The following CDH13 variants were observed in gnomAD, a reference collection of about 807,000 sequenced individuals.
CDH13 encodes cadherin 13.
Under a neutral mutation model 63.8 loss-of-function variants are expected in CDH13, and 24 were observed. The ratio of observed to expected loss-of-function variants is 0.38; its 90% CI spans 0.27 to 0.53. CDH13 has a LOEUF of 0.53. Among genes scored for constraint, CDH13 ranks in the 20% least tolerant of loss-of-function variants. CDH13 has a pLI of 0.85. For missense variants in CDH13, 1,049 were observed against 903.1 expected (o/e 1.16, Z -2.07); for synonymous variants, 503 against 355.3 (o/e 1.42, Z -4.67).
At chr16:82,653,691 G>A (rs762869675) in intron 1 of CDH13, among the ~76,000 whole-genome samples, 9 of 152,294 alleles carry the variant, frequency 5.9e-5, no homozygotes, top group African/African-American at 2.2e-4. Context: ...TGCATGTCAT[G>A]TTGAGAAACT....
intron 6 of CDH13, among the ~76,000 whole-genome samples, chr16:83,345,873 T>C (rs1412663061): frequency 1.3e-5 from 2 of 152,178 alleles, no homozygotes; most frequent in East Asian, 3.9e-4. Flanking sequence ...GGTAAAATAG[T>C]GATTCGTCAG....
chr16:83,582,067 T>G (rs1905661742), intron 7 of CDH13, among the ~76,000 whole-genome samples: 1 of 152,158 alleles, frequency 6.6e-6, no homozygotes, highest in Non-Finnish European at 1.5e-5. Context: ...GACCCCTCTC[T>G]GAGCCTTGAG....
At chr16:83,084,468 C>T (rs983376066) in intron 3 of CDH13, among the ~76,000 whole-genome samples, 1 of 152,194 alleles carries the variant, frequency 6.6e-6, no homozygotes, top group African/African-American at 2.4e-5. Context: ...CATCACCTGT[C>T]TCTCGAAAAC....
intron 1 of CDH13, among the ~76,000 whole-genome samples, chr16:82,856,524 A>T (rs1404138724): frequency 6.6e-6 from 1 of 151,532 alleles, no homozygotes; most frequent in Non-Finnish European, 1.5e-5. Flanking sequence ...CAACATAGTG[A>T]AACCTCCTCA....
chr16:83,062,390 A>T (rs2031639449), intron 3 of CDH13, among the ~76,000 whole-genome samples: 1 of 152,076 alleles, frequency 6.6e-6, no homozygotes. Context: ...CCATGTCCTT[A>T]ACATTTAGCT....
At chr16:82,680,029 C>T (rs1459086691) in intron 1 of CDH13, among the ~76,000 whole-genome samples, 1 of 152,128 alleles carries the variant, frequency 6.6e-6, no homozygotes, top group Non-Finnish European at 1.5e-5. Flanking sequence ...ATGGAGGTTC[C>T]AGGATCTATG....
At chr16:83,200,210 G>T (rs150424496) in intron 4 of CDH13, among the ~76,000 whole-genome samples, 3 of 152,164 alleles carry the variant, frequency 2.0e-5, no homozygotes, top group African/African-American at 7.2e-5. Context: ...GAGCCTGGGC[G>T]CTGGGTGGCA....
At chr16:82,937,578 C>T (rs1484769718) in intron 2 of CDH13, among the ~76,000 whole-genome samples, 2 of 152,320 alleles carry the variant, frequency 1.3e-5, no homozygotes, top group East Asian at 3.9e-4. Flanking sequence ...AAATTTGTGA[C>T]TGACTGAATG....
chr16:83,356,818 T>C (rs2091065892), intron 6 of CDH13, among the ~76,000 whole-genome samples: 1 of 152,212 alleles, frequency 6.6e-6, no homozygotes, highest in Non-Finnish European at 1.5e-5. Flanking sequence ...GAAAAAAAGT[T>C]TAATAGACTT....
chr16:83,319,888 T>G (rs1412065239), intron 5 of CDH13, among the ~76,000 whole-genome samples: 1 of 152,156 alleles, frequency 6.6e-6, no homozygotes, highest in Non-Finnish European at 1.5e-5. Flanking sequence ...CGTTCAAAAT[T>G]TTCAAAAGCC....
At chr16:83,042,175 C>A (rs150318104) in intron 3 of CDH13, among the ~76,000 whole-genome samples, 44 of 152,292 alleles carry the variant, frequency 2.9e-4, no homozygotes, top group African/African-American at 1.0e-3. Context: ...CCCCACCCAC[C>A]TGTCTGAGTA....
intron 8 of CDH13, among the ~76,000 whole-genome samples, chr16:83,637,417 G>C (rs1251166608): frequency 4.8e-5 from 3 of 61,898 alleles, no homozygotes; most frequent in Non-Finnish European, 6.3e-5. Context: ...GCCAGTGTGT[G>C]TGCGCACCGT....
chr16:83,333,049 G>A (rs539489750), intron 5 of CDH13, among the ~76,000 whole-genome samples: 18 of 152,036 alleles, frequency 1.2e-4, no homozygotes, highest in African/African-American at 3.6e-4. Flanking sequence ...AACTTTTATC[G>A]CCCCTTTGAT....
intron 5 of CDH13, among the ~76,000 whole-genome samples, chr16:83,293,689 T>C (rs1326067534): frequency 6.6e-6 from 1 of 152,210 alleles, no homozygotes; most frequent in Non-Finnish European, 1.5e-5. Context: ...ATATTTGTCT[T>C]TTCATGTCAA....
intron 1 of CDH13, chr16:82,727,593 G>C (rs1162524577): frequency 6.6e-6 from 1 of 152,124 alleles, no homozygotes; most frequent in African/African-American, 2.4e-5. Flanking sequence ...ATCCCATTTA[G>C]AACATGGTGT....
At chr16:83,408,516 G>C (rs977111193) in intron 6 of CDH13, among the ~76,000 whole-genome samples, 1 of 152,128 alleles carries the variant, frequency 6.6e-6, no homozygotes, top group East Asian at 1.9e-4. Flanking sequence ...CAGTAAATAT[G>C]TGTGTATCTA....
intron 10 of CDH13, among the ~76,000 whole-genome samples, chr16:83,711,931 G>T (rs572416453): frequency 6.6e-6 from 1 of 152,318 alleles, no homozygotes; most frequent in South Asian, 2.1e-4. Context: ...TTACAATTCT[G>T]TAGGTTAGAA....
At chr16:83,393,378 A>G (rs1424408655) in intron 6 of CDH13, among the ~76,000 whole-genome samples, 2 of 152,192 alleles carry the variant, frequency 1.3e-5, no homozygotes, top group South Asian at 2.1e-4. Flanking sequence ...GTTTATGATG[A>G]TGGATGACTG....
At chr16:83,574,289 C>T (rs148902897) in intron 7 of CDH13, among the ~76,000 whole-genome samples, 4 of 152,344 alleles carry the variant, frequency 2.6e-5, no homozygotes, top group Non-Finnish European at 4.4e-5. Flanking sequence ...TTCTTAGAAA[C>T]TGTGCTCATG....
Sources: allele counts gnomAD v4.1 joint callset (sites outside exome capture counted in the v4.1 genomes callset), GRCh38; gene constraint gnomAD v4.1.1; transcripts MANE v1.5; gene names NCBI Gene and HGNC (gene_info 2026-07-23, HGNC 2026-07-21).